Variants in PDZRN4 observed in about 807,000 individuals in gnomAD.
The protein encoded by PDZRN4 is PDZ domain containing ring finger 4.
Under a neutral mutation model 99.0 loss-of-function variants are expected in PDZRN4, and 70 were observed. The observed-to-expected ratio is 0.71, with a 90% CI of 0.58 to 0.86. The LOEUF is 0.86. PDZRN4 is among the 40% of genes least tolerant of loss of function. The pLI, the probability that PDZRN4 is intolerant of heterozygous loss-of-function variation, is 0.00. For synonymous variants in PDZRN4, 551 were observed against 501.6 expected, an observed-to-expected ratio of 1.10 and a Z score of -1.32; for missense variants, 1,474 against 1,331.2, an observed-to-expected ratio of 1.11 and a Z score of -1.67.
intron 6 of PDZRN4, among the ~76,000 whole-genome samples, chr12:41,553,786 T>C (rs1369481111): frequency 6.6e-6 from 1 of 152,072 alleles, no homozygotes; most frequent in Non-Finnish European, 1.5e-5. Flanking sequence ...TGTACATATG[T>C]TTATATATAA....
intron 3 of PDZRN4, among the ~76,000 whole-genome samples, chr12:41,330,490 TAAAA>T (rs201298001): frequency 1.0e-4 from 14 of 139,480 alleles, no homozygotes; most frequent in South Asian, 2.3e-4. Context: ...TCTAATATGG[TAAAA>T]AAAAAAAAAA....
chr12:41,381,493 T>C (rs1181485110), intron 3 of PDZRN4, among the ~76,000 whole-genome samples: 1 of 152,162 alleles, frequency 6.6e-6, no homozygotes, highest in African/African-American at 2.4e-5. Context: ...ACTGACTCTT[T>C]ATTCCACTTG....
At chr12:41,505,250 C>T (rs1364465526) in intron 3 of PDZRN4, among the ~76,000 whole-genome samples, 1 of 152,148 alleles carries the variant, frequency 6.6e-6, no homozygotes, top group African/African-American at 2.4e-5. Context: ...GCCTCACCAA[C>T]AGGCGGGTGG....
chr12:41,280,078 G>A (rs111709073), intron 3 of PDZRN4, among the ~76,000 whole-genome samples: 3,115 of 152,242 alleles, frequency 0.02, 80 homozygotes, highest in African/African-American at 0.058. Flanking sequence ...CAGAAGCAGG[G>A]TGGGGTGTCG....
intron 3 of PDZRN4, among the ~76,000 whole-genome samples, chr12:41,446,674 C>A (rs1460778492): frequency 6.6e-6 from 1 of 151,932 alleles, no homozygotes; most frequent in Non-Finnish European, 1.5e-5. Flanking sequence ...AGAAGCCAGT[C>A]TTCCAGGAGT....
chr12:41,527,231 G>T (rs892590754), intron 5 of PDZRN4, among the ~76,000 whole-genome samples: 4 of 152,162 alleles, frequency 2.6e-5, no homozygotes, highest in African/African-American at 7.2e-5. Flanking sequence ...AGCACAGGAG[G>T]TTCCAGGAAA....
intron 3 of PDZRN4, among the ~76,000 whole-genome samples, chr12:41,478,989 G>C (rs1410124408): frequency 6.6e-6 from 1 of 152,160 alleles, no homozygotes; most frequent in African/African-American, 2.4e-5. Context: ...AGAAAATAAA[G>C]ACCAAAGCAA....
chr12:41,511,725 A>G (rs547996934), intron 5 of PDZRN4, among the ~76,000 whole-genome samples: 8 of 152,192 alleles, frequency 5.3e-5, no homozygotes, highest in Non-Finnish European at 7.4e-5. Context: ...TGTTATCATT[A>G]TGTGACACAC....
At chr12:41,523,280 C>G (rs77728107) in intron 5 of PDZRN4, among the ~76,000 whole-genome samples, 2,341 of 152,104 alleles carry the variant, frequency 0.015, 36 homozygotes, top group Non-Finnish European at 0.025. Context: ...CCAGTTTTCC[C>G]AATTAGCTGA....
intron 3 of PDZRN4, among the ~76,000 whole-genome samples, chr12:41,480,607 A>G (rs891241244): frequency 2.6e-5 from 4 of 152,186 alleles, no homozygotes; most frequent in African/African-American, 7.2e-5. Context: ...AAACGAAAAC[A>G]TATAAACAAA....
At chr12:41,426,642 T>C (rs73276128) in intron 3 of PDZRN4, among the ~76,000 whole-genome samples, 4,527 of 152,242 alleles carry the variant, frequency 0.03, 211 homozygotes, top group African/African-American at 0.1. Flanking sequence ...CACATCTTAA[T>C]AGAATTTTTT....
intron 5 of PDZRN4, among the ~76,000 whole-genome samples, chr12:41,545,316 A>G (rs1031805697): frequency 2.6e-5 from 4 of 152,146 alleles, no homozygotes; most frequent in African/African-American, 9.7e-5. Flanking sequence ...CTAACATGAA[A>G]TGCTGTTTCC....
At chr12:41,479,124 T>C (rs1185282375) in intron 3 of PDZRN4, among the ~76,000 whole-genome samples, 1 of 152,182 alleles carries the variant, frequency 6.6e-6, no homozygotes, top group East Asian at 1.9e-4. Flanking sequence ...GGATTAGGAA[T>C]AATGACTTTT....
chr12:41,285,184 A>C (rs1298422421), intron 3 of PDZRN4, among the ~76,000 whole-genome samples: 4 of 152,210 alleles, frequency 2.6e-5, no homozygotes. Flanking sequence ...AACCCCATCG[A>C]AAAACAGGCA....
chr12:41,337,372 A>G (rs1266262460), intron 3 of PDZRN4, among the ~76,000 whole-genome samples: 1 of 152,090 alleles, frequency 6.6e-6, no homozygotes, highest in African/African-American at 2.4e-5. Context: ...CTCAAATGGT[A>G]CCCACAGGTA....
At chr12:41,503,024 C>T (rs76326883) in intron 3 of PDZRN4, among the ~76,000 whole-genome samples, 11,407 of 152,032 alleles carry the variant, frequency 0.075, 563 homozygotes, top group Non-Finnish European at 0.11. Flanking sequence ...CCAGAAAATC[C>T]CAATTAAGCT....
At chr12:41,216,540 G>A (rs1950922156) in intron 3 of PDZRN4, among the ~76,000 whole-genome samples, 1 of 151,952 alleles carries the variant, frequency 6.6e-6, no homozygotes, top group African/African-American at 2.4e-5. Flanking sequence ...AAAACTTTGA[G>A]TATCTTTTAA....
intron 3 of PDZRN4, among the ~76,000 whole-genome samples, chr12:41,430,871 C>A (rs923415864): frequency 6.6e-6 from 1 of 152,156 alleles, no homozygotes; most frequent in Non-Finnish European, 1.5e-5. Context: ...GAGGCTTCTG[C>A]TTCTGTGGAG....
chr12:41,371,364 C>T (rs1049531004), intron 3 of PDZRN4, among the ~76,000 whole-genome samples: 1 of 151,902 alleles, frequency 6.6e-6, no homozygotes, highest in African/African-American at 2.4e-5. Context: ...TCATTGTTTT[C>T]CTCTCAGAAT....
Sources: gnomAD v4.1 joint callset for allele counts (sites outside exome capture counted in the v4.1 genomes callset) on GRCh38, gnomAD v4.1.1 for gene constraint, MANE v1.5 for transcripts, NCBI Gene and HGNC (gene_info 2026-07-23, HGNC 2026-07-21) for gene names.